FASTKD5: variants seen among roughly 807,000 people sequenced by gnomAD.
The protein encoded by FASTKD5 is FAST kinase domains 5, also known as non-canonical pre-mRNAs endonuclease FASTKD5, mitochondrial.
FASTKD5 carries 30 observed loss-of-function variants against 44.0 expected under a neutral mutation model. The ratio of observed to expected loss-of-function variants is 0.68; its 90% CI spans 0.51 to 0.93. The LOEUF is 0.93. FASTKD5 is among the 40% of genes least tolerant of loss of function. The pLI is 0.00. For missense variants in FASTKD5, 868 were observed against 908.2 expected, an observed-to-expected ratio of 0.96 and a Z score of 0.57; for synonymous variants, 335 against 342.2, an observed-to-expected ratio of 0.98 and a Z score of 0.23.
chr20:3,150,799 T>TA (rs2066616390), intron 1 of FASTKD5: 1 of 152,230 alleles, frequency 6.6e-6, no homozygotes, highest in Non-Finnish European at 1.5e-5. Context: ...GGCAGGAACA[T>TA]ATGTATGAAT....
chr20:3,158,570 G>A (rs2066713889), intron 1 of FASTKD5, among the ~76,000 whole-genome samples: 1 of 152,148 alleles, frequency 6.6e-6, no homozygotes, highest in Non-Finnish European at 1.5e-5. Flanking sequence ...GCCTCCCGGG[G>A]TTCACGCCAC....
chr20:3,148,833 A>G lies in FASTKD5; in HGVS notation c.238T>C (p.Phe80Leu). The stretch of plus-strand genomic sequence containing the variant: ...GCCTTAGAGGAAGAAGTCTTGCTGA[A>G]TTCCAAACCTGGGTGGGCACTGCTG... Reference protein sequence around the residue: ...TTSSAHPGLEFSKTSSSKAST... With the variant: ...TTSSAHPGLELSKTSSSKAST... The change falls in exon 2 of 2, where the codon TTC (phenylalanine) becomes CTC (leucine). Residue 80 changes from phenylalanine (F) to leucine (L), a missense_variant. Phe to Leu is a conservative substitution (Grantham distance 22). Coordinates refer to ENST00000380266, the MANE Select transcript of FASTKD5 (RefSeq NM_021826.5). The G allele has an allele frequency of 6.2e-7, 1 of 1,614,222 alleles. No individual in the cohort carries two copies. The highest frequency in any genetic ancestry group is 8.5e-7 in the Non-Finnish European group (1 of 1,180,042).
At chr20:3,156,227 G>A (rs1222919242) in intron 1 of FASTKD5, among the ~76,000 whole-genome samples, 1 of 148,372 alleles carries the variant, frequency 6.7e-6, no homozygotes, top group Admixed American at 6.8e-5. Context: ...CCAGGCTGGA[G>A]TGCAGTGGCG....
At chr20:3,158,970 C>G (rs2066718300) in intron 1 of FASTKD5, among the ~76,000 whole-genome samples, 1 of 152,204 alleles carries the variant, frequency 6.6e-6, no homozygotes, top group Non-Finnish European at 1.5e-5. Flanking sequence ...TTGGTGCTAA[C>G]GCAGCTGGCT....
intron 1 of FASTKD5, among the ~76,000 whole-genome samples, chr20:3,159,488 T>C (rs1417271937): frequency 6.6e-6 from 1 of 152,222 alleles, no homozygotes; most frequent in Non-Finnish European, 1.5e-5. Context: ...GTGAGACAAG[T>C]ACTGTTACGA....
intron 1 of FASTKD5, among the ~76,000 whole-genome samples, chr20:3,150,372 T>C (rs1169359938): frequency 1.3e-5 from 2 of 152,188 alleles, no homozygotes; most frequent in Non-Finnish European, 2.9e-5. Context: ...CCCGCTGACA[T>C]CTTCTGGAGA....
Position 3,148,786 on chromosome 20 carries a change from T to G in FASTKD5, c.285A>C (p.Ser95=). ...SSKASTLQLG[S]PRATGVDEED... Reference sequence around the variant, plus strand: ...CTTCATCAACTCCTGTGGCCCTGGGTGAGCCCAGCTGCAATGTACTGGCCT... The same window carrying G: ...CTTCATCAACTCCTGTGGCCCTGGGGGAGCCCAGCTGCAATGTACTGGCCT... The change falls in exon 2 of 2, where the codon TCA becomes TCC. Residue 95 remains serine, a synonymous_variant. Coordinates refer to ENST00000380266, the MANE Select transcript of FASTKD5 (RefSeq NM_021826.5). The G allele has an allele frequency of 1.2e-6, 2 of 1,614,236 alleles. No homozygotes were observed.
At chr20:3,151,522 C>T (rs1480153286) in intron 1 of FASTKD5, among the ~76,000 whole-genome samples, 1 of 151,958 alleles carries the variant, frequency 6.6e-6, no homozygotes, top group African/African-American at 2.4e-5. Context: ...AAAAACTTGG[C>T]CACGCCTATA....
intron 1 of FASTKD5, chr20:3,150,682 C>T (rs1475975580): frequency 6.6e-6 from 1 of 152,176 alleles, no homozygotes; most frequent in African/African-American, 2.4e-5. Flanking sequence ...TGCTGTCAGC[C>T]ACTTTCTTCC....
intron 1 of FASTKD5, among the ~76,000 whole-genome samples, chr20:3,153,466 A>G (rs1346218963): frequency 6.6e-6 from 1 of 152,258 alleles, no homozygotes; most frequent in East Asian, 1.9e-4. Flanking sequence ...GAAAGAGACC[A>G]CAAGATTAAG....
Position 3,147,143 on chromosome 20 carries a change from T to G in FASTKD5, c.1928A>C (p.Gln643Pro). The G allele has an allele frequency of 1.9e-6, 3 of 1,613,806 alleles. No individual in the cohort carries two copies. Among genetic ancestry groups the G allele is most frequent in the Non-Finnish European group, 2.5e-6 (3 of 1,180,046 alleles). The change falls in exon 2 of 2, where the codon CAG (glutamine) becomes CCG (proline). Residue 643 changes from glutamine (Q) to proline (P), a missense_variant. Physicochemically the swap from Gln to Pro is moderately conservative, Grantham distance 76. Coordinates refer to ENST00000380266, the MANE Select transcript of FASTKD5 (RefSeq NM_021826.5). ...LLKGKARGHF[Q>P]GKTESEPGQQ... ...CCCAGGCTCTGACTCAGTTTTGCCC[T>G]GGAAATGTCCTCTTGCTTTCCCTTT...
chr20:3,152,968 C>T (rs1265931233), intron 1 of FASTKD5, among the ~76,000 whole-genome samples: 1 of 151,432 alleles, frequency 6.6e-6, no homozygotes, highest in Non-Finnish European at 1.5e-5. Context: ...AATAAAATAG[C>T]TGTGCCATAG....
Position 3,146,992 on chromosome 20 carries a change from T to C in FASTKD5, c.2079A>G (p.Pro693=), listed in dbSNP as rs375590604. ...GLCPAACMQT[P]RMKLAVQFTN... is the part of the protein sequence containing the mutation. ...TGAACTGAACAGCCAGCTTCATTCT[T>C]GGGGTCTGCATGCAGGCTGCGGGGC... The change falls in exon 2 of 2, where the codon CCA becomes CCG. Residue 693 remains proline (P), a synonymous_variant. Coordinates refer to ENST00000380266, the MANE Select transcript of FASTKD5 (RefSeq NM_021826.5). 6 of 1,614,058 alleles carry C rather than the reference T, an allele frequency of 3.7e-6. No homozygotes were observed. The African/African-American group carries it at 5.3e-5, about 14-fold the overall frequency.
chr20:3,149,672 T>C lies in FASTKD5; in HGVS notation c.-190-412A>G, dbSNP rs147474024. On this transcript the variant is annotated intron_variant, in intron 1 of 1. Transcript: ENST00000380266. The surrounding 1 kb of genome is among the most constrained non-coding windows in gnomAD (Gnocchi z 4.1). ...ACAGGTCCTACCTGAAGAATGTTTA[T>C]AAAAACTGCTATGCTAACAGCACTA... 1.8e-3 allele frequency among the ~76,000 whole-genome samples: 267 copies of C among 152,330 alleles called. No individual in the cohort carries two copies. Among genetic ancestry groups the C allele is most frequent in the African/African-American group, 6.2e-3 (257 of 41,586 alleles).
At chr20:3,155,548 C>T (rs1012649104) in intron 1 of FASTKD5, among the ~76,000 whole-genome samples, 7 of 151,640 alleles carry the variant, frequency 4.6e-5, no homozygotes, top group Non-Finnish European at 5.9e-5. Context: ...AAAAGTGGGT[C>T]GGGAGAGGAA....
At chr20:3,158,163 T>G (rs1452750646) in intron 1 of FASTKD5, among the ~76,000 whole-genome samples, 1 of 152,070 alleles carries the variant, frequency 6.6e-6, no homozygotes, top group African/African-American at 2.4e-5. Flanking sequence ...GAGACAGAGT[T>G]TCCCTATGTT....
chr20:3,158,953 G>A (rs1243513933), intron 1 of FASTKD5, among the ~76,000 whole-genome samples: 2 of 152,234 alleles, frequency 1.3e-5, no homozygotes, highest in Non-Finnish European at 2.9e-5. Flanking sequence ...CAAAACGCCA[G>A]CCACAGTTGG....
rs1170664207 is a variant in FASTKD5, at chr20:3,148,196, C to T, written c.875G>A (p.Arg292His). 2.5e-6 allele frequency: 4 copies of T among 1,613,918 alleles called. No individual in the cohort carries two copies. The highest frequency in any genetic ancestry group is 3.4e-6 in the Non-Finnish European group (4 of 1,180,012). ...TTGCATTAGGTCCTGGGATACCTGA[C>T]GATTTTCACCTATAACATAAATTAA... is the stretch of plus-strand genomic sequence containing the variant. Reference protein sequence around the residue: ...VHLIYVIGENRQVSQDLMQKL... With the variant: ...VHLIYVIGENHQVSQDLMQKL... Residue 292 changes from arginine (R) to histidine (H), a missense_variant, in exon 2 of 2, where the codon CGT becomes CAT. Coordinates refer to ENST00000380266, the MANE Select transcript of FASTKD5 (RefSeq NM_021826.5).
chr20:3,155,069 A>G (rs967676530), intron 1 of FASTKD5, among the ~76,000 whole-genome samples: 59 of 144,734 alleles, frequency 4.1e-4, no homozygotes, highest in African/African-American at 1.3e-3. Context: ...AAAAAAAAAA[A>G]AAAGAAAAGA....
Sources: gnomAD v4.1 joint callset for allele counts (sites outside exome capture counted in the v4.1 genomes callset) on GRCh38, gnomAD v4.1.1 for gene constraint, Gnocchi (gnomAD v3.1) non-coding constraint, MANE v1.5 for transcripts, NCBI Gene and HGNC (gene_info 2026-07-23, HGNC 2026-07-21) for gene names.